The following RBFOX1 variants were observed in gnomAD, a reference collection of about 807,000 sequenced individuals.
RBFOX1 encodes RNA binding protein fox-1 homolog 1.
A neutral mutation model predicts 57.7 loss-of-function variants in RBFOX1; 8 were observed. The observed-to-expected ratio is 0.14, with a 90% CI of 0.08 to 0.25. RBFOX1 has a LOEUF of 0.25. Among genes scored for constraint, RBFOX1 ranks in the 10% least tolerant of loss-of-function variants. The pLI, the probability that RBFOX1 is intolerant of heterozygous loss-of-function variation, is 1.00. For missense variants in RBFOX1, 611 were observed against 548.5 expected, an observed-to-expected ratio of 1.11 and a Z score of -1.14; for synonymous variants, 326 against 222.4, an observed-to-expected ratio of 1.47 and a Z score of -4.15.
At chr16:7,662,346 A>G (rs1210016564) in intron 12 of RBFOX1, among the ~76,000 whole-genome samples, 2 of 152,160 alleles carry the variant, frequency 1.3e-5, no homozygotes, top group Non-Finnish European at 2.9e-5. Flanking sequence ...TTTCTCCTCC[A>G]TTGACAACAG....
chr16:6,141,461 A>T (rs1437779927), intron 1 of RBFOX1, among the ~76,000 whole-genome samples: 1 of 151,534 alleles, frequency 6.6e-6, no homozygotes, highest in Non-Finnish European at 1.5e-5. Context: ...AACCAAACTC[A>T]CCTCCATTTC....
chr16:6,761,905 C>G (rs1345788813), intron 3 of RBFOX1, among the ~76,000 whole-genome samples: 1 of 152,148 alleles, frequency 6.6e-6, no homozygotes, highest in Admixed American at 6.5e-5. Flanking sequence ...TCTAATCCCA[C>G]ATTGTCTTCA....
At chr16:6,253,800 G>C (rs926927179) in intron 1 of RBFOX1, among the ~76,000 whole-genome samples, 2 of 151,638 alleles carry the variant, frequency 1.3e-5, no homozygotes, top group African/African-American at 4.8e-5. Context: ...CTTCTGAGTC[G>C]TCTGACCAGC....
intron 4 of RBFOX1, among the ~76,000 whole-genome samples, chr16:7,367,292 C>G (rs1288837403): frequency 2.6e-5 from 4 of 152,114 alleles, no homozygotes; most frequent in East Asian, 1.9e-4. Context: ...GAGTGCAGTT[C>G]AGTTTGTAGT....
intron 2 of RBFOX1, among the ~76,000 whole-genome samples, chr16:6,609,763 A>G (rs535437005): frequency 1.3e-3 from 194 of 152,228 alleles, no homozygotes; most frequent in African/African-American, 4.5e-3. Flanking sequence ...TAATGCTAGC[A>G]CTTTGGGAGG....
chr16:6,301,096 G>T (rs1360751540), intron 1 of RBFOX1, among the ~76,000 whole-genome samples: 1 of 152,082 alleles, frequency 6.6e-6, no homozygotes, highest in African/African-American at 2.4e-5. Flanking sequence ...AATCCTTGAG[G>T]ATCAGAAACA....
At chr16:7,118,251 A>G (rs1438233024) in intron 4 of RBFOX1, among the ~76,000 whole-genome samples, 7 of 152,086 alleles carry the variant, frequency 4.6e-5, no homozygotes, top group African/African-American at 9.7e-5. Context: ...GCTAACATCT[A>G]TTGTTGTTTC....
intron 2 of RBFOX1, among the ~76,000 whole-genome samples, chr16:6,450,011 T>G (rs1026074342): frequency 1.1e-4 from 17 of 152,166 alleles, no homozygotes; most frequent in African/African-American, 3.9e-4. Context: ...TTGCTTTTAT[T>G]GGATTGCAAT....
intron 4 of RBFOX1, among the ~76,000 whole-genome samples, chr16:5,908,095 T>TATATATATATATACACAC (rs1567133450): frequency 7.1e-6 from 1 of 139,886 alleles, no homozygotes; most frequent in African/African-American, 3.0e-5. Flanking sequence ...TACACATATA[T>TATATATATATATACACAC]ACACATATAT....
rs74935601 is a variant in RBFOX1 at position 7,208,087 on chromosome 16, G to C, written c.27+155989G>C. 8.8e-3 allele frequency among the ~76,000 whole-genome samples: 1,347 copies of C among 152,320 alleles called. 47 individuals carry two copies. Among genetic ancestry groups the C allele is most frequent in the Admixed American group, 0.058 (885 of 15,288 alleles). ...TCAATCCTGCAACAGGGAAGCAAGA[G>C]CAACTTTGGTGGTTACAGGAAAAGC... On this transcript the variant is annotated intron_variant, in intron 4 of 15. Coordinates refer to ENST00000550418, the MANE Select transcript of RBFOX1 (RefSeq NM_018723.4).
intron 4 of RBFOX1, among the ~76,000 whole-genome samples, chr16:7,357,310 C>G (rs1009349420): frequency 3.3e-5 from 5 of 151,456 alleles, no homozygotes; most frequent in Admixed American, 3.3e-4. Flanking sequence ...CATCATTATA[C>G]TCCCATTTTT....
intron 2 of RBFOX1, among the ~76,000 whole-genome samples, chr16:6,633,181 G>C (rs1444888461): frequency 6.6e-6 from 1 of 152,186 alleles, no homozygotes; most frequent in South Asian, 2.1e-4. Context: ...GGGCAGGTCA[G>C]ATGTCCAGAA....
intron 3 of RBFOX1, among the ~76,000 whole-genome samples, chr16:6,889,410 G>A (rs1356757897): frequency 6.6e-6 from 1 of 152,130 alleles, no homozygotes; most frequent in Admixed American, 6.5e-5. Context: ...TGACGGCTCT[G>A]TCAACTTGGA....
At position 5,657,732 on chromosome 16, in the gene RBFOX1, C is replaced by CTTTTTTTTTTTTTTTTTTTTTTTTT. The variant is rs71386513; in HGVS notation, c.318+58775_318+58776insTTTTTTTTTTTTTTTTTTTTTTTTT. ...TTTCTCTCTTTCTTTTGTTTCTTTT[C>CTTTTTTTTTTTTTTTTTTTTTTTTT]TTTTCTTTTTTTTTTTTTGAGACAG... On this transcript the variant is annotated intron_variant, in intron 3 of 19. Transcript: ENST00000641259. 4.1e-5 allele frequency among the ~76,000 whole-genome samples: 4 copies of CTTTTTTTTTTTTTTTTTTTTTTTTT among 98,352 alleles called. 2 individuals carry two copies. 64.5% of individuals were successfully genotyped at this position (98,352 alleles called of 152,430 possible).
At chr16:6,649,176 T>C (rs1002591215) in intron 2 of RBFOX1, among the ~76,000 whole-genome samples, 1 of 152,210 alleles carries the variant, frequency 6.6e-6, no homozygotes, top group Non-Finnish European at 1.5e-5. Context: ...ATATTTTTTG[T>C]ATTTGTTTCA....
intron 3 of RBFOX1, among the ~76,000 whole-genome samples, chr16:6,967,139 C>A (rs1454253145): frequency 6.6e-6 from 1 of 152,088 alleles, no homozygotes; most frequent in African/African-American, 2.4e-5. Context: ...TTTAAACATT[C>A]ATCCATTCAT....
intron 3 of RBFOX1, among the ~76,000 whole-genome samples, chr16:6,890,697 T>C (rs1180075066): frequency 6.6e-6 from 1 of 152,214 alleles, no homozygotes; most frequent in East Asian, 1.9e-4. Flanking sequence ...TCCTGGGATT[T>C]CCGTATGAAT....
intron 3 of RBFOX1, among the ~76,000 whole-genome samples, chr16:5,688,133 G>T (rs2050560538): frequency 6.6e-6 from 1 of 152,190 alleles, no homozygotes. Context: ...GTTCTAAGGA[G>T]AAGCTGAAAA....
intron 4 of RBFOX1, among the ~76,000 whole-genome samples, chr16:7,304,817 T>C (rs954554929): frequency 6.6e-6 from 1 of 152,122 alleles, no homozygotes; most frequent in Non-Finnish European, 1.5e-5. Flanking sequence ...CCTTTGATGC[T>C]AAGAGTTTGA....
Sources: allele counts gnomAD v4.1 joint callset (sites outside exome capture counted in the v4.1 genomes callset), GRCh38; gene constraint gnomAD v4.1.1; transcripts MANE v1.5; gene names NCBI Gene and HGNC (gene_info 2026-07-23, HGNC 2026-07-21).